LRBA: variants seen among roughly 807,000 people sequenced by gnomAD.
LRBA encodes LPS responsive beige-like anchor protein.
A neutral mutation model predicts 330.0 loss-of-function variants in LRBA; 176 were observed. That is an observed-to-expected ratio of 0.53 (90% confidence interval 0.47 to 0.60). The LOEUF (loss-of-function observed/expected upper bound fraction) is 0.60. Among genes scored for constraint, LRBA ranks in the 20% least tolerant of loss-of-function variants. LRBA has a pLI of 0.00. For synonymous variants in LRBA, 1,230 were observed against 1,193.0 expected (o/e 1.03, Z -0.64); for missense variants, 3,259 against 3,444.8 (o/e 0.95, Z 1.35).
At chr4:150,267,427 CAAA>C (rs756947072) in intron 56 of LRBA, among the ~76,000 whole-genome samples, 2 of 135,660 alleles carry the variant, frequency 1.5e-5, no homozygotes, top group African/African-American at 5.3e-5. Flanking sequence ...AATGATGAGT[CAAA>C]AAAAACAAAC....
intron 40 of LRBA, among the ~76,000 whole-genome samples, chr4:150,531,769 AAAGTT>A (rs1764078609): frequency 6.6e-6 from 1 of 152,244 alleles, no homozygotes; most frequent in South Asian, 2.1e-4. Context: ...AGACCCAGTT[AAAGTT>A]AAGTGGCACT....
intron 36 of LRBA, among the ~76,000 whole-genome samples, chr4:150,720,601 G>C (rs933207406): frequency 2.0e-5 from 3 of 151,890 alleles, no homozygotes; most frequent in Admixed American, 1.3e-4. Context: ...AGATGTGAAA[G>C]ACAAACATAT....
intron 36 of LRBA, among the ~76,000 whole-genome samples, chr4:150,689,610 A>C (rs529566645): frequency 6.6e-6 from 1 of 152,286 alleles, no homozygotes; most frequent in South Asian, 2.1e-4. Context: ...ATATCGGTGA[A>C]TTCCACCAAA....
intron 47 of LRBA, among the ~76,000 whole-genome samples, chr4:150,351,666 G>C (rs1737194860): frequency 6.6e-6 from 1 of 152,148 alleles, no homozygotes; most frequent in Non-Finnish European, 1.5e-5. Flanking sequence ...TCCAGCCTGG[G>C]TGACAGAGTG....
chr4:151,007,864 A>C (rs2149667775), intron 2 of LRBA, among the ~76,000 whole-genome samples: 1 of 152,014 alleles, frequency 6.6e-6, no homozygotes, highest in African/African-American at 2.4e-5. Context: ...CTCAAAAAAA[A>C]AAAAAAAAAG....
chr4:150,508,463 A>G (rs1022624221), intron 40 of LRBA, among the ~76,000 whole-genome samples: 2 of 151,864 alleles, frequency 1.3e-5, no homozygotes, highest in Non-Finnish European at 2.9e-5. Flanking sequence ...TAATTTTTGT[A>G]TTTTTAGTAG....
At chr4:150,639,856 T>C (rs1327394904) in intron 37 of LRBA, among the ~76,000 whole-genome samples, 1 of 80,078 alleles carries the variant, frequency 1.2e-5, no homozygotes, top group Non-Finnish European at 2.4e-5. Context: ...TATATATATA[T>C]ATATATATAT....
intron 2 of LRBA, among the ~76,000 whole-genome samples, chr4:150,934,673 G>A (rs1319156250): frequency 3.3e-5 from 5 of 151,908 alleles, no homozygotes; most frequent in Admixed American, 6.6e-5. Flanking sequence ...GTAGTTCCGA[G>A]ACCAGTGTGG....
At chr4:150,277,603 C>T (rs1367266073) in intron 56 of LRBA, among the ~76,000 whole-genome samples, 1 of 152,058 alleles carries the variant, frequency 6.6e-6, no homozygotes, top group Non-Finnish European at 1.5e-5. Flanking sequence ...ACCCCCACAA[C>T]TCAACTCCAT....
At chr4:150,726,919 T>C (rs926450864) in intron 36 of LRBA, among the ~76,000 whole-genome samples, 2 of 147,724 alleles carry the variant, frequency 1.4e-5, no homozygotes, top group Non-Finnish European at 3.0e-5. Flanking sequence ...TAGACTCCAA[T>C]ACAATAATAG....
rs1347878261 is a variant in LRBA at position 150,959,943 on chromosome 4, G to A, written c.217-30878C>T. On this transcript the variant is annotated intron_variant, in intron 2 of 56. Transcript: ENST00000651943. ...TACTTTTTTTTTTTTTTAAGAAACA[G>A]GGTCTTCCCATGTTGCCCAAGCTGG... Among the ~76,000 whole-genome samples, 2 of 145,284 alleles carry A rather than the reference G, an allele frequency of 1.4e-5. 1 individual carries two copies. Among genetic ancestry groups the A allele is most frequent in the Admixed American group, 1.3e-4 (2 of 14,876 alleles).
intron 40 of LRBA, among the ~76,000 whole-genome samples, chr4:150,570,039 A>G (rs781352496): frequency 2.0e-5 from 3 of 152,178 alleles, no homozygotes; most frequent in Non-Finnish European, 4.4e-5. Flanking sequence ...TATAAGCTAC[A>G]TAAAGAAATT....
intron 36 of LRBA, chr4:150,721,097 T>C: frequency 1.7e-6 from 1 of 589,290 alleles, no homozygotes; most frequent in East Asian, 4.4e-5. Context: ...ATACAGCAGA[T>C]GTCCAGTTAC....
At chr4:150,700,899 A>G (rs1785058037) in intron 36 of LRBA, among the ~76,000 whole-genome samples, 1 of 152,074 alleles carries the variant, frequency 6.6e-6, no homozygotes, top group East Asian at 1.9e-4. Context: ...CTAGGACTAC[A>G]GGGGTGTACC....
At chr4:150,286,741 C>A (rs1485792236) in intron 53 of LRBA, among the ~76,000 whole-genome samples, 1 of 152,070 alleles carries the variant, frequency 6.6e-6, no homozygotes, top group Non-Finnish European at 1.5e-5. Context: ...GCAGATATTG[C>A]CGAATACTTT....
At chr4:150,539,367 A>T (rs182194677) in intron 40 of LRBA, among the ~76,000 whole-genome samples, 5 of 152,170 alleles carry the variant, frequency 3.3e-5, no homozygotes, top group East Asian at 3.9e-4. Context: ...GCCATAAAAA[A>T]TTTTTTACCC....
chr4:150,890,028 A>G (rs1232452464), intron 17 of LRBA, among the ~76,000 whole-genome samples: 1 of 152,242 alleles, frequency 6.6e-6, no homozygotes, highest in Non-Finnish European at 1.5e-5. Context: ...AAGGGCAGCC[A>G]TAAACGGGAA....
chr4:150,975,612 G>C (rs1487527106), intron 2 of LRBA, among the ~76,000 whole-genome samples: 1 of 151,078 alleles, frequency 6.6e-6, no homozygotes, highest in Non-Finnish European at 1.5e-5. Flanking sequence ...CAGAATAGAA[G>C]TATTCAATGG....
intron 40 of LRBA, among the ~76,000 whole-genome samples, chr4:150,519,105 G>C (rs1463881725): frequency 6.6e-6 from 1 of 151,984 alleles, no homozygotes; most frequent in Non-Finnish European, 1.5e-5. Flanking sequence ...AATGAGACAA[G>C]TCAATTCCTT....
Sources: gnomAD v4.1 joint callset for allele counts (sites outside exome capture counted in the v4.1 genomes callset) on GRCh38, gnomAD v4.1.1 for gene constraint, MANE v1.5 for transcripts, NCBI Gene and HGNC (gene_info 2026-07-23, HGNC 2026-07-21) for gene names.